RTN4R: variants seen among roughly 807,000 people sequenced by gnomAD.
The protein encoded by RTN4R is reticulon-4 receptor.
RTN4R carries 4 observed loss-of-function variants against 27.7 expected under a neutral mutation model. That is an observed-to-expected ratio of 0.14 (90% CI 0.07 to 0.33). RTN4R has a LOEUF of 0.33. Among genes scored for constraint, RTN4R ranks in the 10% least tolerant of loss-of-function variants. The probability of loss-of-function intolerance (pLI) is 1.00; values close to 1 mark genes in which losing one functional copy is unlikely to be tolerated. For missense variants in RTN4R, 554 were observed against 671.5 expected (o/e 0.83, Z 1.93); for synonymous variants, 290 against 305.6 (o/e 0.95, Z 0.53).
In RTN4R at chr22:20,255,461, A is replaced by G. The variant is rs112291347; in HGVS notation, c.23-12351T>C. 0.011 allele frequency among the ~76,000 whole-genome samples: 1,742 copies of G among 152,262 alleles called. 31 individuals carry two copies. Among genetic ancestry groups the G allele is most frequent in the East Asian group, 0.084 (436 of 5,164 alleles). On this transcript the variant is annotated intron_variant, in intron 1 of 1. Transcript: ENST00000043402. This position sits in a 1 kb window ranked among gnomAD's most constrained non-coding sequence, Gnocchi z 4.8. ...CTGCTTTTTGGTCCCCTGCTCGGCC[A>G]AGGGTGGCTGAGGATACATCTGGGT...
At chr22:20,248,871 T>G (rs1371958201) in intron 1 of RTN4R, among the ~76,000 whole-genome samples, 1 of 152,108 alleles carries the variant, frequency 6.6e-6, no homozygotes, top group Non-Finnish European at 1.5e-5. Flanking sequence ...TCATCTTTGG[T>G]CAATGCTGGG....
chr22:20,257,869 A>T (rs376541243), intron 1 of RTN4R, among the ~76,000 whole-genome samples: 5 of 152,280 alleles, frequency 3.3e-5, no homozygotes, highest in East Asian at 3.9e-4. Flanking sequence ...TCCCTGCCCA[A>T]CGTGATCGGC....
chr22:20,261,469 G>A (rs1340363694), intron 1 of RTN4R, among the ~76,000 whole-genome samples: 3 of 152,188 alleles, frequency 2.0e-5, no homozygotes, highest in East Asian at 1.9e-4. Context: ...GGGTCCTGTG[G>A]GCAGTGCTCA....
At chr22:20,243,885 G>A (rs1235848590) in intron 1 of RTN4R, among the ~76,000 whole-genome samples, 2 of 152,022 alleles carry the variant, frequency 1.3e-5, no homozygotes, top group Non-Finnish European at 2.9e-5. Context: ...CCAGCCCCAG[G>A]TGCCTGCAAC....
rs550555194 is a variant in RTN4R, at chr22:20,266,645, G to A, written c.22+1426C>T. Among the ~76,000 whole-genome samples, 3 of 152,298 alleles carry A rather than the reference G, an allele frequency of 2.0e-5. No homozygotes were observed. The South Asian group carries it at 6.2e-4, about 32-fold the overall frequency. ...GGTTCCAGCCCACCATCATCTATCT[G>A]CCTCAGCCCTGGTGGGTAGGGAGTG... On this transcript the variant is annotated intron_variant, in intron 1 of 1. Coordinates refer to ENST00000043402, the MANE Select transcript of RTN4R (RefSeq NM_023004.6).
In RTN4R at chr22:20,242,006, G is replaced by T; in HGVS notation, c.1127C>A (p.Pro376Gln). The stretch of plus-strand genomic sequence containing the variant: ...AAAGGGTGAGTCATTGATGTGCCGT[G>T]GGCCAGAGCCGTTGCCCGGCGGGCT... ...GDSPPGNGSG[P>Q]RHINDSPFGT... The change falls in exon 2 of 2, where the codon CCA becomes CAA. Residue 376 changes from proline to glutamine, a missense_variant. Transcript: ENST00000043402. 1 of 1,611,014 alleles carries T rather than the reference G, an allele frequency of 6.2e-7. No individual in the cohort carries two copies.
At chr22:20,267,766 C>T in intron 1 of RTN4R, 1 of 415,462 alleles carries the variant, frequency 2.4e-6, no homozygotes, top group South Asian at 1.9e-5. Flanking sequence ...CCTTCCAGCC[C>T]ACGGCCCCCG....
chr22:20,260,926 G>T (rs544761955), intron 1 of RTN4R, among the ~76,000 whole-genome samples: 6 of 151,764 alleles, frequency 4.0e-5, no homozygotes, highest in Admixed American at 2.0e-4. Flanking sequence ...CCTCCCCTCC[G>T]GACTCCACAG....
chr22:20,253,631 G>A (rs2145979519), intron 1 of RTN4R, among the ~76,000 whole-genome samples: 1 of 152,268 alleles, frequency 6.6e-6, no homozygotes, highest in South Asian at 2.1e-4. Flanking sequence ...GTGACCACCA[G>A]GCATCCGGAA....
At chr22:20,243,673 C>G (rs961438511) in intron 1 of RTN4R, 2 of 395,914 alleles carry the variant, frequency 5.1e-6, no homozygotes, top group Non-Finnish European at 1.0e-5. Context: ...CAGCCTGCTC[C>G]CTCCTCCACA....
intron 1 of RTN4R, among the ~76,000 whole-genome samples, chr22:20,263,853 C>T (rs1299163690): frequency 6.6e-6 from 1 of 152,270 alleles, no homozygotes. Context: ...CCCCATGCCC[C>T]GCTGCCCTGC....
At chr22:20,267,508 G>A in intron 1 of RTN4R, 1 of 423,730 alleles carries the variant, frequency 2.4e-6, no homozygotes, top group Non-Finnish European at 4.9e-6. Context: ...GGGCGTTGCT[G>A]CCTCCTCTCA....
intron 1 of RTN4R, among the ~76,000 whole-genome samples, chr22:20,263,822 T>C (rs1475021355): frequency 6.6e-6 from 1 of 152,268 alleles, no homozygotes; most frequent in East Asian, 1.9e-4. Context: ...AGGACACAGC[T>C]GCGGAACAGT....
chr22:20,266,214 T>C (rs2051275733), intron 1 of RTN4R, among the ~76,000 whole-genome samples: 1 of 152,196 alleles, frequency 6.6e-6, no homozygotes, highest in African/African-American at 2.4e-5. Context: ...TCTGCTAGTA[T>C]GTTTCACCCT....
intron 1 of RTN4R, among the ~76,000 whole-genome samples, chr22:20,247,014 G>A (rs1459377341): frequency 1.3e-5 from 2 of 152,244 alleles, no homozygotes; most frequent in African/African-American, 2.4e-5. Context: ...GAGGGGCCAC[G>A]AGGCATGTCC....
chr22:20,264,884 T>C (rs1359037926), intron 1 of RTN4R, among the ~76,000 whole-genome samples: 5 of 151,990 alleles, frequency 3.3e-5, no homozygotes, highest in South Asian at 2.1e-4. Context: ...ATTGATCAGA[T>C]AGTAGCCAAG....
In RTN4R at chr22:20,268,033, C is replaced by T. The variant is rs1252509554; in HGVS notation, c.22+38G>A. 5.2e-6 allele frequency: 6 copies of T among 1,147,930 alleles called. No homozygotes were observed. In the African/African-American group the frequency reaches 6.5e-5, roughly 13 times the overall value. The allele number at this position is 1,147,930 out of a possible 1,614,324, so 71.1% of individuals were successfully genotyped here. Reference sequence around the variant, plus strand: ...GGGCGAGCCGCCCCCCTCCGCGCCCCGCCGCCGGCCGGGCTCGGGTGCAGC... The same window carrying T: ...GGGCGAGCCGCCCCCCTCCGCGCCCTGCCGCCGGCCGGGCTCGGGTGCAGC... On this transcript the variant is annotated intron_variant, in intron 1 of 1. Transcript: ENST00000043402.
chr22:20,256,704 G>A (rs918974085), intron 1 of RTN4R, among the ~76,000 whole-genome samples: 5 of 152,180 alleles, frequency 3.3e-5, no homozygotes, highest in East Asian at 1.9e-4. Context: ...GCCCCGTCCC[G>A]CTCACTCCTC....
intron 1 of RTN4R, among the ~76,000 whole-genome samples, chr22:20,262,922 G>T (rs2051256262): frequency 6.6e-6 from 1 of 152,206 alleles, no homozygotes; most frequent in Non-Finnish European, 1.5e-5. Context: ...CGGGGATCCA[G>T]GCAAGCAAGG....
Sources: gnomAD v4.1 joint callset for allele counts (sites outside exome capture counted in the v4.1 genomes callset) on GRCh38, gnomAD v4.1.1 for gene constraint, Gnocchi (gnomAD v3.1) non-coding constraint, MANE v1.5 for transcripts, NCBI Gene and HGNC (gene_info 2026-07-23, HGNC 2026-07-21) for gene names.